The following ADCY2 variants were observed in gnomAD, a reference collection of about 807,000 sequenced individuals.
The protein encoded by ADCY2 is adenylate cyclase 2.
ADCY2 carries 31 observed loss-of-function variants against 125.2 expected under a neutral mutation model. The observed-to-expected ratio is 0.25, with a 90% CI of 0.19 to 0.33. The LOEUF is 0.33. Among genes scored for constraint, ADCY2 ranks in the 10% least tolerant of loss-of-function variants. ADCY2 has a pLI of 1.00. For missense variants in ADCY2, 904 were observed against 1,418.2 expected, an observed-to-expected ratio of 0.64 and a Z score of 5.82; for synonymous variants, 512 against 548.4, an observed-to-expected ratio of 0.93 and a Z score of 0.93.
intron 2 of ADCY2, among the ~76,000 whole-genome samples, chr5:7,475,961 C>G (rs2126464291): frequency 6.6e-6 from 1 of 152,246 alleles, no homozygotes; most frequent in East Asian, 1.9e-4. Flanking sequence ...GAGTAATGTA[C>G]TTAATCAGAA....
intron 4 of ADCY2, among the ~76,000 whole-genome samples, chr5:7,683,310 G>A (rs1481733063): frequency 5.3e-5 from 8 of 152,254 alleles, no homozygotes. Context: ...CAGAGCAGCT[G>A]AGAAAATCCT....
chr5:7,816,871 C>T lies in ADCY2; in HGVS notation c.2889C>T (p.Pro963=), dbSNP rs751178875. 1.9e-5 allele frequency: 30 copies of T among 1,613,848 alleles called. No homozygotes were observed. Among genetic ancestry groups the T allele is most frequent in the Middle Eastern group, 3.3e-4 (2 of 6,084 alleles). Residue 963 remains proline (P), a synonymous_variant, in exon 23 of 25, where the codon CCC becomes CCT. Coordinates refer to ENST00000338316, the MANE Select transcript of ADCY2 (RefSeq NM_020546.3). The part of the protein sequence containing the change: ...AVPSQEHSQE[P]ERQYMHIGTM... ...CTGTGTGTGTTTGTTCTCAGGAGCC[C>T]GAGCGGCAGTACATGCACATTGGCA...
chr5:7,513,384 A>G (rs1432369375), intron 2 of ADCY2, among the ~76,000 whole-genome samples: 1 of 152,208 alleles, frequency 6.6e-6, no homozygotes, highest in Non-Finnish European at 1.5e-5. Flanking sequence ...ATAAGAAAAT[A>G]ATCATCTAGG....
At chr5:7,744,030 A>G (rs1375622450) in intron 15 of ADCY2, among the ~76,000 whole-genome samples, 1 of 152,178 alleles carries the variant, frequency 6.6e-6, no homozygotes, top group African/African-American at 2.4e-5. Flanking sequence ...TATTTTTATC[A>G]TTTCCTTTAA....
intron 3 of ADCY2, among the ~76,000 whole-genome samples, chr5:7,551,283 A>G (rs1735332320): frequency 6.6e-6 from 1 of 152,174 alleles, no homozygotes; most frequent in Admixed American, 6.5e-5. Flanking sequence ...TGAGTTCATG[A>G]CAGTTAGGAT....
At chr5:7,567,647 T>A (rs7734478) in intron 3 of ADCY2, among the ~76,000 whole-genome samples, 39,203 of 152,110 alleles carry the variant, frequency 0.26, 5,491 homozygotes, top group East Asian at 0.43. Flanking sequence ...TTTAAGCAGT[T>A]TGGAAATTCA....
At chr5:7,503,372 T>G (rs983560583) in intron 2 of ADCY2, among the ~76,000 whole-genome samples, 1 of 152,204 alleles carries the variant, frequency 6.6e-6, no homozygotes, top group Non-Finnish European at 1.5e-5. Context: ...TGTTTATAAG[T>G]AGAGGTGACA....
chr5:7,614,969 T>C (rs1043891147), intron 3 of ADCY2, among the ~76,000 whole-genome samples: 3 of 152,202 alleles, frequency 2.0e-5, no homozygotes, highest in Non-Finnish European at 4.4e-5. Flanking sequence ...CTCGCCATTC[T>C]GCAGGCTCTA....
intron 24 of ADCY2, 97 bp from the exon 25 acceptor site, chr5:7,826,622 A>C: frequency 6.6e-7 from 1 of 1,525,924 alleles, no homozygotes. Flanking sequence ...CCTGGGTCAA[A>C]GAGCATGGTG....
At chr5:7,734,230 C>A (rs916208863) in intron 14 of ADCY2, among the ~76,000 whole-genome samples, 1 of 152,146 alleles carries the variant, frequency 6.6e-6, no homozygotes, top group African/African-American at 2.4e-5. Flanking sequence ...TCATGACATT[C>A]AATAGAATGC....
intron 7 of ADCY2, among the ~76,000 whole-genome samples, chr5:7,700,997 A>G (rs1741059366): frequency 6.6e-6 from 1 of 152,178 alleles, no homozygotes; most frequent in African/African-American, 2.4e-5. Context: ...TACATGAAAA[A>G]TAGTTTTTAG....
chr5:7,463,233 G>A (rs544935871), intron 2 of ADCY2, among the ~76,000 whole-genome samples: 10 of 152,104 alleles, frequency 6.6e-5, no homozygotes, highest in African/African-American at 1.4e-4. Context: ...GACTGCTAAC[G>A]TCTTTTAAAA....
intron 20 of ADCY2, chr5:7,795,233 T>G (rs2126512470): frequency 6.6e-6 from 1 of 152,308 alleles, no homozygotes; most frequent in South Asian, 2.1e-4. Flanking sequence ...TAGATGAAGC[T>G]CTTAGAACTG....
intron 20 of ADCY2, among the ~76,000 whole-genome samples, chr5:7,793,440 G>C (rs942237572): frequency 3.0e-4 from 46 of 152,154 alleles, no homozygotes; most frequent in African/African-American, 8.2e-4. Context: ...AACAGTACGA[G>C]ACACCATCTC....
intron 4 of ADCY2, among the ~76,000 whole-genome samples, chr5:7,665,401 G>A (rs1739679242): frequency 6.6e-6 from 1 of 152,046 alleles, no homozygotes; most frequent in African/African-American, 2.4e-5. Flanking sequence ...AGTGTAATTT[G>A]TCAGCACCCC....
At chr5:7,730,819 T>A (rs1742077170) in intron 14 of ADCY2, among the ~76,000 whole-genome samples, 1 of 106,820 alleles carries the variant, frequency 9.4e-6, no homozygotes, top group Non-Finnish European at 2.0e-5. Flanking sequence ...GGTATCTTTT[T>A]TGCTTGGGGG....
chr5:7,414,725 A>G lies in ADCY2; in HGVS notation c.363A>G (p.Gly121=). Residue 121 remains glycine (G), a synonymous_variant, in exon 2 of 25, where the codon GGA becomes GGG. Coordinates refer to ENST00000338316, the MANE Select transcript of ADCY2 (RefSeq NM_020546.3). ...TATGGATATGCCTTGTTGCCATGGG[A>G]TACCTGTTCATGTGTTTTGGAGGCA... ...LVIWICLVAM[G]YLFMCFGGTV... 6.2e-7 allele frequency: 1 copy of G among 1,613,678 alleles called. No homozygotes were observed. The highest frequency in any genetic ancestry group is 8.5e-7 in the Non-Finnish European group (1 of 1,179,922).
chr5:7,410,345 AG>A, intron 1 of ADCY2, among the ~76,000 whole-genome samples: 1 of 152,202 alleles, frequency 6.6e-6, no homozygotes, highest in East Asian at 1.9e-4. Context: ...AAAAGAAAAA[AG>A]AAAAAGTACA....
chr5:7,825,792 G>C (rs1432746060), intron 24 of ADCY2, among the ~76,000 whole-genome samples: 1 of 152,178 alleles, frequency 6.6e-6, no homozygotes, highest in Non-Finnish European at 1.5e-5. Flanking sequence ...AGGCAGGCGC[G>C]GGCCCACAGT....
Sources: allele counts gnomAD v4.1 joint callset (sites outside exome capture counted in the v4.1 genomes callset), GRCh38; gene constraint gnomAD v4.1.1; transcripts MANE v1.5; gene names NCBI Gene and HGNC (gene_info 2026-07-23, HGNC 2026-07-21).